Variants in VPS13D observed in about 807,000 individuals in gnomAD.
VPS13D encodes the protein intermembrane lipid transfer protein VPS13D.
VPS13D carries 187 observed loss-of-function variants against 461.9 expected under a neutral mutation model. That is an observed-to-expected ratio of 0.40 (90% CI 0.36 to 0.46). The LOEUF (loss-of-function observed/expected upper bound fraction) is 0.46. Ranked by LOEUF, VPS13D falls within the 20% of genes least tolerant of loss-of-function variation. The pLI is 0.60. For synonymous variants in VPS13D, 1,951 were observed against 1,986.3 expected (o/e 0.98, Z 0.47); for missense variants, 4,711 against 5,364.9 (o/e 0.88, Z 3.81).
At position 12,511,830 on chromosome 1, in the gene VPS13D, C is replaced by T. The variant is rs1281118091; in HGVS notation, c.*2806C>T. ...GTCTTGCTGCTTGGTGGGTGCTCATCGCAATGTTCTGAAGGCTCCAGGGCC... is the reference window on the plus strand; with the variant it reads ...GTCTTGCTGCTTGGTGGGTGCTCATTGCAATGTTCTGAAGGCTCCAGGGCC... On this transcript the variant is annotated 3_prime_UTR_variant, in exon 70 of 70. Coordinates refer to ENST00000620676, the MANE Select transcript of VPS13D (RefSeq NM_015378.4). The surrounding 1 kb of genome is among the most constrained non-coding windows in gnomAD (Gnocchi z 4.5). 2 of 152,224 alleles carry T rather than the reference C, an allele frequency of 1.3e-5. No individual in the cohort carries two copies. The highest frequency in any genetic ancestry group is 2.9e-5 in the Non-Finnish European group (2 of 68,062). The allele number at this position is 152,224 out of a possible 1,614,324, so 9.4% of individuals were successfully genotyped here.
In VPS13D at chr1:12,386,254, G is replaced by A. The variant is rs1644349643; in HGVS notation, c.11554G>A (p.Ala3852Thr). Residue 3852 changes from alanine (A) to threonine (T), a missense_variant, in exon 60 of 70, where the codon GCA becomes ACA. Ala to Thr is a moderately conservative substitution (Grantham distance 58). This residue lies in a region of VPS13D where 4,411 missense variants were observed against 4,937.8 expected (regional missense o/e 0.89). Coordinates refer to ENST00000620676, the MANE Select transcript of VPS13D (RefSeq NM_015378.4). ...TAAAGTCCCAGAAGAACTGGTCTTT[G>A]CAAGTCTTACAGGAATCAATGTGCA... ...INKVPEELVFASLTGINVHYT... is the reference protein window; with the variant it reads ...INKVPEELVFTSLTGINVHYT... 1.2e-6 allele frequency: 2 copies of A among 1,613,810 alleles called. No individual in the cohort carries two copies. The highest frequency in any genetic ancestry group is 1.7e-4 in the Middle Eastern group (1 of 6,060).
chr1:12,266,406 C>G (rs1052633678), intron 13 of VPS13D, among the ~76,000 whole-genome samples: 1 of 152,194 alleles, frequency 6.6e-6, no homozygotes, highest in Admixed American at 6.5e-5. Flanking sequence ...CCACAGTCAC[C>G]CCAACACTTC....
chr1:12,277,771 C>G lies in VPS13D; in HGVS notation c.4183C>G (p.Pro1395Ala). ...VVSIPRKPGS[P>A]ELLVGHLGQI... The stretch of plus-strand genomic sequence containing the variant: ...TTCTATCCCTCGGAAGCCGGGGAGT[C>G]CTGAGTTGTTGGTGGGACACTTGGG... Residue 1395 changes from proline to alanine, a missense_variant, in exon 19 of 70, where the codon CCT (proline) becomes GCT (alanine). Physicochemically the swap from Pro to Ala is conservative, Grantham distance 27. Transcript: ENST00000620676. 1.2e-6 allele frequency: 2 copies of G among 1,614,184 alleles called. No individual in the cohort carries two copies. The highest frequency in any genetic ancestry group is 2.2e-5 in the South Asian group (2 of 91,076).
Position 12,314,153 on chromosome 1 carries a change from T to C in VPS13D, c.6974T>C (p.Phe2325Ser). ...AAATGCAAACTGCTCTATGAAAGTTTTTCCAACCAAACCAAGTCCATTAAC... is the reference window on the plus strand; with the variant it reads ...AAATGCAAACTGCTCTATGAAAGTTCTTCCAACCAAACCAAGTCCATTAAC... ...FKKCKLLYES[F>S]SNQTKSINLV... The change falls in exon 30 of 70, where the codon TTT becomes TCT. Residue 2325 changes from phenylalanine (F) to serine (S), a missense_variant. Transcript: ENST00000620676. 1 of 1,614,218 alleles carries C rather than the reference T, an allele frequency of 6.2e-7. No individual in the cohort carries two copies. Among genetic ancestry groups the C allele is most frequent in the Non-Finnish European group, 8.5e-7 (1 of 1,180,026 alleles).
intron 7 of VPS13D, 109 bp from the exon 8 acceptor site, chr1:12,256,224 C>A: frequency 7.9e-7 from 1 of 1,266,340 alleles, no homozygotes; most frequent in Non-Finnish European, 1.1e-6. Flanking sequence ...CGCTGTGACA[C>A]AGCCTATGGC....
intron 46 of VPS13D, among the ~76,000 whole-genome samples, chr1:12,351,247 G>GC (rs1298000861): frequency 2.0e-5 from 3 of 152,168 alleles, no homozygotes; most frequent in Non-Finnish European, 4.4e-5. Context: ...AAAACTGTGA[G>GC]CCAGTGTTCC....
intron 65 of VPS13D, among the ~76,000 whole-genome samples, chr1:12,429,153 T>C (rs1644962258): frequency 6.6e-6 from 1 of 152,154 alleles, no homozygotes; most frequent in African/African-American, 2.4e-5. Context: ...TAAATAGTTA[T>C]TGTAAGGAAA....
chr1:12,383,921 C>T (rs1162404197), intron 58 of VPS13D, among the ~76,000 whole-genome samples: 1 of 152,146 alleles, frequency 6.6e-6, no homozygotes, highest in African/African-American at 2.4e-5. Context: ...CCAAGTGGCA[C>T]ACAGAATGTG....
At chr1:12,378,628 C>A in intron 56 of VPS13D, 37 bp downstream of exon 56, 1 of 1,475,010 alleles carries the variant, frequency 6.8e-7, no homozygotes. Context: ...AAGCTCATTG[C>A]TTTCAAATTC....
intron 6 of VPS13D, among the ~76,000 whole-genome samples, chr1:12,253,377 G>A (rs1344676231): frequency 6.6e-6 from 1 of 152,154 alleles, no homozygotes; most frequent in African/African-American, 2.4e-5. Flanking sequence ...AGGGAGGACT[G>A]TATGGTTGAC....
At chr1:12,290,810 G>A (rs771773431) in intron 22 of VPS13D, among the ~76,000 whole-genome samples, 188 bp from the exon 23 acceptor site, 4 of 150,008 alleles carry the variant, frequency 2.7e-5, no homozygotes, top group Non-Finnish European at 5.9e-5. Flanking sequence ...TTTTTGCATT[G>A]AGACTTTGTT....
intron 10 of VPS13D, 118 bp downstream of exon 10, chr1:12,258,221 T>A (rs951941910): frequency 1.9e-5 from 24 of 1,271,984 alleles, no homozygotes; most frequent in Non-Finnish European, 2.2e-6. Flanking sequence ...GGGGCTAAAT[T>A]TTATAGGATA....
chr1:12,406,571 G>A (rs1372617560), intron 63 of VPS13D, among the ~76,000 whole-genome samples: 2 of 152,174 alleles, frequency 1.3e-5, no homozygotes, highest in East Asian at 3.8e-4. Context: ...TGTTCAAAAG[G>A]ACTGAAAGCA....
intron 10 of VPS13D, 39 bp from the exon 11 acceptor site, chr1:12,260,654 T>C (rs779859519): frequency 6.3e-7 from 1 of 1,576,106 alleles, no homozygotes; most frequent in Non-Finnish European, 8.7e-7. Flanking sequence ...CTACAACGTT[T>C]GTGTTTTTGT....
chr1:12,298,846 G>C (rs1400893787), intron 24 of VPS13D, among the ~76,000 whole-genome samples: 1 of 151,374 alleles, frequency 6.6e-6, no homozygotes, highest in Non-Finnish European at 1.5e-5. Context: ...AGTCTTTATT[G>C]CTTTCTAAAG....
chr1:12,374,934 C>T (rs532933932), intron 55 of VPS13D, among the ~76,000 whole-genome samples: 6 of 152,276 alleles, frequency 3.9e-5, no homozygotes, highest in Admixed American at 1.3e-4. Context: ...GACGGGGTTT[C>T]GCCATGTTGG....
At chr1:12,477,789 A>T (rs1160397073) in intron 67 of VPS13D, among the ~76,000 whole-genome samples, 1 of 152,150 alleles carries the variant, frequency 6.6e-6, no homozygotes, top group Non-Finnish European at 1.5e-5. Flanking sequence ...AAGACCGAAA[A>T]ATAAATTTTT....
intron 63 of VPS13D, among the ~76,000 whole-genome samples, chr1:12,411,198 G>A (rs564498267): frequency 2.0e-4 from 30 of 152,230 alleles, no homozygotes; most frequent in South Asian, 4.1e-4. Context: ...AAACACGATC[G>A]TTTACTAGAA....
At chr1:12,434,421 C>T (rs1365868424) in intron 65 of VPS13D, among the ~76,000 whole-genome samples, 1 of 152,014 alleles carries the variant, frequency 6.6e-6, no homozygotes, top group Admixed American at 6.6e-5. Flanking sequence ...GTTGAGGTGG[C>T]GGTGGTAGCA....
Sources: gnomAD v4.1 joint callset for allele counts (sites outside exome capture counted in the v4.1 genomes callset) on GRCh38, gnomAD v4.1.1 for gene constraint, gnomAD v4.1.1 regional missense constraint, Gnocchi (gnomAD v3.1) non-coding constraint, MANE v1.5 for transcripts, NCBI Gene and HGNC (gene_info 2026-07-23, HGNC 2026-07-21) for gene names.